Variants in PRKN observed in about 807,000 individuals in gnomAD.
PRKN encodes parkin RBR E3 ubiquitin protein ligase.
A neutral mutation model predicts 59.5 loss-of-function variants in PRKN; 56 were observed. That is an observed-to-expected ratio of 0.94 (90% confidence interval 0.76 to 1.18). PRKN has a LOEUF of 1.18. Among genes scored for constraint, PRKN ranks in the 50% most tolerant of loss-of-function variants. The probability of loss-of-function intolerance (pLI) is 0.00; values close to 1 mark genes in which losing one functional copy is unlikely to be tolerated. For synonymous variants in PRKN, 250 were observed against 222.1 expected (o/e 1.13, Z -1.12); for missense variants, 657 against 596.4 (o/e 1.10, Z -1.06).
chr6:162,047,918 T>C (rs1181075662), intron 5 of PRKN, among the ~76,000 whole-genome samples: 1 of 152,080 alleles, frequency 6.6e-6, no homozygotes, highest in African/African-American at 2.4e-5. Context: ...GTGTGAAAAA[T>C]AGATTGCATG....
intron 1 of PRKN, among the ~76,000 whole-genome samples, chr6:162,565,550 C>T (rs952035525): frequency 1.3e-5 from 2 of 151,926 alleles, no homozygotes; most frequent in African/African-American, 2.4e-5. Context: ...ATTAACCAGG[C>T]GTGGTGGTGT....
At chr6:161,897,710 G>A (rs1032200239) in intron 6 of PRKN, among the ~76,000 whole-genome samples, 15 of 149,956 alleles carry the variant, frequency 1.0e-4, no homozygotes, top group Non-Finnish European at 1.3e-4. Flanking sequence ...GGCCGGGCGC[G>A]GTGGCTCACG....
At chr6:161,672,546 C>A (rs548044247) in intron 7 of PRKN, among the ~76,000 whole-genome samples, 2 of 152,264 alleles carry the variant, frequency 1.3e-5, no homozygotes, top group Admixed American at 1.3e-4. Context: ...CAGGCCAAAG[C>A]CAGTGGATCA....
At chr6:161,874,953 C>T (rs1270151579) in intron 6 of PRKN, among the ~76,000 whole-genome samples, 1 of 71,544 alleles carries the variant, frequency 1.4e-5, no homozygotes, top group Non-Finnish European at 2.2e-5. Flanking sequence ...ATTATAGGTA[C>T]TTTATATATA....
At chr6:162,378,247 T>A (rs1278730103) in intron 2 of PRKN, among the ~76,000 whole-genome samples, 4 of 152,218 alleles carry the variant, frequency 2.6e-5, no homozygotes, top group Non-Finnish European at 5.9e-5. Context: ...CTGCCATCTA[T>A]TTTAAGTGAA....
intron 1 of PRKN, among the ~76,000 whole-genome samples, chr6:162,663,697 C>T (rs2128228698): frequency 6.6e-6 from 1 of 152,120 alleles, no homozygotes; most frequent in African/African-American, 2.4e-5. Flanking sequence ...AAGTGGGCTT[C>T]AGTTTCCTCA....
At chr6:162,199,285 A>G (rs759278879) in intron 4 of PRKN, among the ~76,000 whole-genome samples, 5 of 152,042 alleles carry the variant, frequency 3.3e-5, no homozygotes, top group Non-Finnish European at 7.4e-5. Flanking sequence ...TTCAACCTCC[A>G]AGTCCACACT....
Position 161,582,971 on chromosome 6 carries a change from AACACACACACACACACACACACACAC to A in PRKN, c.872-13581_872-13556del, listed in dbSNP as rs768568929. 2.4e-4 allele frequency among the ~76,000 whole-genome samples: 28 copies of A among 117,158 alleles called. No individual in the cohort carries two copies. The highest frequency in any genetic ancestry group is 7.8e-4 in the African/African-American group (27 of 34,450). 76.9% of individuals were successfully genotyped at this position (117,158 alleles called of 152,430 possible). A position where few individuals can be genotyped will look rare whatever the true frequency, so the allele number is the denominator to read the frequency against. The stretch of plus-strand genomic sequence containing the variant: ...TCTTTCCAGTGAGATGGCCTATTCC[AACACACACACACACACACACACACAC>A]ACACACACACACACACACACACACA... On this transcript the variant is annotated intron_variant, in intron 7 of 11. Transcript: ENST00000366898. This position sits in a 1 kb window ranked among gnomAD's most constrained non-coding sequence, Gnocchi z 4.4.
chr6:162,555,980 T>TG (rs1455473917), intron 1 of PRKN, among the ~76,000 whole-genome samples: 6 of 20,674 alleles, frequency 2.9e-4, no homozygotes, highest in Non-Finnish European at 6.5e-4. Context: ...AAACTCCATC[T>TG]CAAAAAAAAA....
chr6:162,239,992 T>A (rs771380571), intron 3 of PRKN, among the ~76,000 whole-genome samples: 1 of 152,200 alleles, frequency 6.6e-6, no homozygotes, highest in Non-Finnish European at 1.5e-5. Flanking sequence ...ACTGTTCTCA[T>A]GAGATCTATG....
intron 4 of PRKN, among the ~76,000 whole-genome samples, chr6:162,094,645 C>T (rs1394972403): frequency 1.3e-5 from 2 of 152,046 alleles, no homozygotes; most frequent in South Asian, 2.1e-4. Flanking sequence ...ATATTCTTAC[C>T]ACAGCAAGAT....
rs560314461 is a variant in PRKN, at chr6:161,352,872, C to T, written c.1286-2661G>A. 1.9e-3 allele frequency among the ~76,000 whole-genome samples: 286 copies of T among 151,802 alleles called. 2 individuals carry two copies. Among genetic ancestry groups the T allele is most frequent in the African/African-American group, 6.6e-3 (273 of 41,362 alleles). On this transcript the variant is annotated intron_variant, in intron 11 of 11. Coordinates refer to ENST00000366898, the MANE Select transcript of PRKN (RefSeq NM_004562.3). The surrounding 1 kb of genome is among the most constrained non-coding windows in gnomAD (Gnocchi z 5.8). ...TGGGCTCACTGCCACCTCTGCCTCC[C>T]GGGTTCAAGCAATTCTCCTGCCTCA...
At chr6:161,883,911 C>T (rs1795038193) in intron 6 of PRKN, among the ~76,000 whole-genome samples, 1 of 152,134 alleles carries the variant, frequency 6.6e-6, no homozygotes, top group Admixed American at 6.5e-5. Context: ...TCTTGGCCTC[C>T]CAAGGTGCTG....
rs1293893545 is a variant in PRKN at position 161,386,690 on chromosome 6, T to C, written c.1167+104A>G. The stretch of plus-strand genomic sequence containing the variant: ...CATGGCTGTCAGCTACCAGTCTGCT[T>C]CTTGCTTTTTTAGAATGGAACTCTC... On this transcript the variant is annotated intron_variant, in intron 10 of 11. Coordinates refer to ENST00000366898, the MANE Select transcript of PRKN (RefSeq NM_004562.3). The surrounding 1 kb of genome is among the most constrained non-coding windows in gnomAD (Gnocchi z 4.3). 1.1e-6 allele frequency: 1 copy of C among 911,874 alleles called. No homozygotes were observed. Among genetic ancestry groups the C allele is most frequent in the Non-Finnish European group, 1.8e-6 (1 of 542,068 alleles). 56.5% of individuals were successfully genotyped at this position (911,874 alleles called of 1,614,324 possible).
chr6:162,014,406 C>A (rs1782854522), intron 5 of PRKN, among the ~76,000 whole-genome samples: 1 of 152,190 alleles, frequency 6.6e-6, no homozygotes. Context: ...TCTTCAGGCG[C>A]CTCTGCAGAG....
At chr6:161,743,386 T>TTTA (rs1562648806) in intron 7 of PRKN, among the ~76,000 whole-genome samples, 6 of 140,246 alleles carry the variant, frequency 4.3e-5, no homozygotes, top group Non-Finnish European at 9.2e-5. Flanking sequence ...CATCCAGCTT[T>TTTA]TTTATTTATT....
rs967251620 is a variant in PRKN at position 161,440,638 on chromosome 6, G to T, written c.1084-53761C>A. Among the ~76,000 whole-genome samples, 1 of 152,182 alleles carries T rather than the reference G, an allele frequency of 6.6e-6. No homozygotes were observed. Among genetic ancestry groups the T allele is most frequent in the Non-Finnish European group, 1.5e-5 (1 of 68,038 alleles). On this transcript the variant is annotated intron_variant, in intron 9 of 11. Coordinates refer to ENST00000366898, the MANE Select transcript of PRKN (RefSeq NM_004562.3). This position sits in a 1 kb window ranked among gnomAD's most constrained non-coding sequence, Gnocchi z 4.1. ...CTCGCAGACAGGGAGGAAGTGAAGA[G>T]GTGAGGCAGTAAAAATTCATAACAT...
intron 2 of PRKN, among the ~76,000 whole-genome samples, chr6:162,381,174 G>C (rs1470122379): frequency 1.3e-5 from 2 of 152,096 alleles, no homozygotes; most frequent in Non-Finnish European, 2.9e-5. Context: ...GACAGTGTCT[G>C]GGCATCGTCT....
intron 7 of PRKN, among the ~76,000 whole-genome samples, chr6:161,689,109 C>G (rs1785673623): frequency 1.3e-5 from 2 of 152,016 alleles, no homozygotes; most frequent in African/African-American, 4.8e-5. Flanking sequence ...AGTCTCCTGG[C>G]AATCCCTAAA....
Sources: gnomAD v4.1 joint callset for allele counts (sites outside exome capture counted in the v4.1 genomes callset) on GRCh38, gnomAD v4.1.1 for gene constraint, Gnocchi (gnomAD v3.1) non-coding constraint, MANE v1.5 for transcripts, NCBI Gene and HGNC (gene_info 2026-07-23, HGNC 2026-07-21) for gene names.